Variants in SYT3 observed in about 807,000 individuals in gnomAD.
SYT3 encodes synaptotagmin 3.
Under a neutral mutation model 50.6 loss-of-function variants are expected in SYT3, and 25 were observed. The observed-to-expected ratio is 0.49, with a 90% confidence interval of 0.36 to 0.69. SYT3 has a LOEUF of 0.69. SYT3 is among the 30% of genes least tolerant of loss of function. The pLI is 0.00. For missense variants in SYT3, 589 were observed against 793.6 expected (o/e 0.74, Z 3.10); for synonymous variants, 323 against 353.9 (o/e 0.91, Z 0.98).
Position 50,625,771 on chromosome 19 carries a change from G to C in SYT3, c.1402+126C>G. 5 of 684,604 alleles carry C rather than the reference G, an allele frequency of 7.3e-6. 1 individual carries two copies. Among genetic ancestry groups the C allele is most frequent in the Non-Finnish European group, 9.5e-6 (4 of 422,748 alleles). The allele number at this position is 684,604 out of a possible 1,614,324, so 42.4% of individuals were successfully genotyped here. A position where few individuals can be genotyped will look rare whatever the true frequency, so the allele number is the denominator to read the frequency against. The stretch of plus-strand genomic sequence containing the variant: ...CAGGCCCCTGGCCCCTCCTCCCTCA[G>C]ACCCAGGAGTCCAGATCCCCAGCTC... On this transcript the variant is annotated intron_variant, in intron 7 of 10. Coordinates refer to ENST00000600079, the MANE Select transcript of SYT3 (RefSeq NM_001160329.2). This position sits in a 1 kb window ranked among gnomAD's most constrained non-coding sequence, Gnocchi z 7.5.
chr19:50,627,227 ACT>A (rs1000082429), intron 6 of SYT3, among the ~76,000 whole-genome samples: 3 of 151,390 alleles, frequency 2.0e-5, no homozygotes, highest in African/African-American at 7.3e-5. Flanking sequence ...CTGCCAGAAC[ACT>A]CTTCCCTCTA....
chr19:50,653,321 G>C, the SYT3 span, among the ~76,000 whole-genome samples: 1 of 152,174 alleles, frequency 6.6e-6, no homozygotes, highest in Admixed American at 6.5e-5. Flanking sequence ...TTACAGGCGT[G>C]AGCTACTGTG....
the SYT3 span, among the ~76,000 whole-genome samples, chr19:50,645,670 A>G: frequency 6.6e-6 from 1 of 152,128 alleles, no homozygotes; most frequent in Non-Finnish European, 1.5e-5. Flanking sequence ...CTTGAGCTCA[A>G]GAGTTCAAGA....
the SYT3 span, chr19:50,656,434 A>C: frequency 2.1e-6 from 3 of 1,438,062 alleles, no homozygotes; most frequent in Non-Finnish European, 2.8e-6. Context: ...GCCAGAGTTT[A>C]AATTCAGGCT....
upstream of SYT3, among the ~76,000 whole-genome samples, chr19:50,643,723 C>T (rs1984716349): frequency 6.6e-6 from 1 of 150,996 alleles, no homozygotes; most frequent in African/African-American, 2.4e-5. Flanking sequence ...TTTTTTTAGA[C>T]AGCAGGGATT....
In SYT3 at chr19:50,632,644, G is replaced by C. The variant is rs752134579; in HGVS notation, c.316C>G (p.Leu106Val). The C allele has an allele frequency of 1.9e-6, 3 of 1,584,204 alleles. No homozygotes were observed. Among genetic ancestry groups the C allele is most frequent in the Admixed American group, 1.7e-5 (1 of 58,708 alleles). Residue 106 changes from leucine (L) to valine (V), a missense_variant, in exon 4 of 11, where the codon CTG becomes GTG. By Grantham distance (32) the Leu-to-Val change is conservative (BLOSUM62 1). Transcript: ENST00000600079. The surrounding 1 kb of genome is among the most constrained non-coding windows in gnomAD (Gnocchi z 4.7). ...LRKDLGPGVG[L>V]AGLVGGGGHH... is the part of the protein sequence containing the mutation. ...CCGCCTCCGCCTACCAGGCCTGCCA[G>C]CCCGACACCAGGGCCTAGGTCTTTG... is the stretch of plus-strand genomic sequence containing the variant.
intron 3 of SYT3, among the ~76,000 whole-genome samples, chr19:50,634,901 T>C (rs1043333754): frequency 6.6e-6 from 1 of 150,792 alleles, no homozygotes; most frequent in South Asian, 2.1e-4. Flanking sequence ...TTCTCTTTTT[T>C]TTTGAGACAG....
chr19:50,653,887 T>A, the SYT3 span, among the ~76,000 whole-genome samples: 3 of 152,092 alleles, frequency 2.0e-5, no homozygotes, highest in Admixed American at 1.3e-4. Flanking sequence ...CTGGGAATCT[T>A]CATCTCATTG....
intron 4 of SYT3, 145 bp from the exon 5 acceptor site, chr19:50,630,316 C>A (rs1984255270): frequency 5.2e-6 from 4 of 770,272 alleles, no homozygotes; most frequent in Non-Finnish European, 5.8e-6. Context: ...ACTGTGTGAG[C>A]TTGAGGAAGC....
Position 50,623,160 on chromosome 19 carries a change from G to A in SYT3, c.1708-405C>T, listed in dbSNP as rs1342094453. On this transcript the variant is annotated intron_variant, in intron 9 of 10. Transcript: ENST00000600079. Reference sequence around the variant, plus strand: ...AAATTCATGGGCAGTGTCAGGACTCGGCCTAGACTCTGTGCCACCAGCGTT... The same window carrying A: ...AAATTCATGGGCAGTGTCAGGACTCAGCCTAGACTCTGTGCCACCAGCGTT... 2.6e-5 allele frequency among the ~76,000 whole-genome samples: 4 copies of A among 151,824 alleles called. No homozygotes were observed. In the East Asian group the frequency reaches 5.8e-4, roughly 22 times the overall value.
chr19:50,644,233 G>T (rs927919330), upstream of SYT3, among the ~76,000 whole-genome samples: 2 of 152,222 alleles, frequency 1.3e-5, no homozygotes, highest in African/African-American at 4.8e-5. Flanking sequence ...TGATGGATGG[G>T]TGCATGACTG....
chr19:50,636,207 T>A (rs1414377698), intron 3 of SYT3, among the ~76,000 whole-genome samples: 11 of 151,046 alleles, frequency 7.3e-5, no homozygotes. Context: ...TGAGCCGAGA[T>A]CCCACCATTA....
intron 3 of SYT3, among the ~76,000 whole-genome samples, chr19:50,634,556 C>T (rs565803944): frequency 6.7e-6 from 1 of 149,660 alleles, no homozygotes; most frequent in Non-Finnish European, 1.5e-5. Context: ...TTCCTTCCCC[C>T]CTCCCTCTTG....
intron 6 of SYT3, among the ~76,000 whole-genome samples, chr19:50,627,184 A>C (rs939670618): frequency 5.9e-5 from 9 of 151,986 alleles, no homozygotes; most frequent in African/African-American, 2.2e-4. Context: ...CTCCCTACTC[A>C]TTCCCCTCAG....
chr19:50,657,984 C>A, the SYT3 span: 1 of 1,524,176 alleles, frequency 6.6e-7, no homozygotes, highest in South Asian at 1.2e-5. Flanking sequence ...CTCCGACACC[C>A]GCAGCCCGAG....
intron 9 of SYT3, among the ~76,000 whole-genome samples, chr19:50,623,883 T>C (rs1408560165): frequency 1.3e-5 from 2 of 150,604 alleles, no homozygotes; most frequent in Non-Finnish European, 3.0e-5. Context: ...GAAGAAAATA[T>C]CAAATTTTTA....
chr19:50,629,097 A>G (rs1278209511), intron 6 of SYT3, among the ~76,000 whole-genome samples, 197 bp downstream of exon 6: 1 of 152,148 alleles, frequency 6.6e-6, no homozygotes, highest in African/African-American at 2.4e-5. Flanking sequence ...TGCTGGGATT[A>G]TAGGCATGAG....
At chr19:50,635,100 T>G (rs1378189057) in intron 3 of SYT3, among the ~76,000 whole-genome samples, 9 of 152,092 alleles carry the variant, frequency 5.9e-5, no homozygotes, top group Non-Finnish European at 1.2e-4. Context: ...GTATTTTTAG[T>G]AGAGATAGGG....
chr19:50,649,941 A>G, the SYT3 span: 1 of 431,214 alleles, frequency 2.3e-6, no homozygotes, highest in South Asian at 1.7e-5. Context: ...ATTCCCTCCC[A>G]CAGCCCATCA....
Sources: allele counts gnomAD v4.1 joint callset (sites outside exome capture counted in the v4.1 genomes callset), GRCh38; gene constraint gnomAD v4.1.1; non-coding constraint Gnocchi (gnomAD v3.1); transcripts MANE v1.5; gene names NCBI Gene and HGNC (gene_info 2026-07-23, HGNC 2026-07-21).